The following CSMD2 variants were observed in gnomAD, a reference collection of about 807,000 sequenced individuals.
CSMD2 encodes CUB and Sushi multiple domains 2.
A neutral mutation model predicts 398.5 loss-of-function variants in CSMD2; 130 were observed. That is an observed-to-expected ratio of 0.33 (90% confidence interval 0.28 to 0.38). CSMD2 has a LOEUF of 0.38. CSMD2 is among the 10% of genes least tolerant of loss of function. The pLI is 1.00. For synonymous variants in CSMD2, 1,828 were observed against 1,908.5 expected (o/e 0.96, Z 1.10); for missense variants, 3,829 against 4,764.9 (o/e 0.80, Z 5.78).
chr1:33,973,343 C>T (rs1489967098), intron 3 of CSMD2, among the ~76,000 whole-genome samples: 4 of 152,292 alleles, frequency 2.6e-5, no homozygotes, highest in Admixed American at 1.3e-4. Flanking sequence ...GGCCAAGGGG[C>T]TTCCTGCACA....
intron 56 of CSMD2, among the ~76,000 whole-genome samples, chr1:33,548,242 TGTTCAGTC>T (rs1462132232): frequency 5.3e-5 from 8 of 152,170 alleles, no homozygotes; most frequent in Non-Finnish European, 1.2e-4. Context: ...AATACAATGG[TGTTCAGTC>T]CTAGGGGCTT....
chr1:33,595,392 T>C (rs1165214166), intron 44 of CSMD2, among the ~76,000 whole-genome samples: 2 of 152,216 alleles, frequency 1.3e-5, no homozygotes, highest in African/African-American at 2.4e-5. Context: ...ACCTGGAGTA[T>C]GATTTCAATT....
At chr1:33,886,436 CAA>C (rs902390069) in intron 5 of CSMD2, among the ~76,000 whole-genome samples, 26 of 152,256 alleles carry the variant, frequency 1.7e-4, no homozygotes, top group African/African-American at 5.8e-4. Flanking sequence ...ACTTGGCAAC[CAA>C]GAGATGGGAG....
At chr1:33,762,735 T>C (rs1331258083) in intron 13 of CSMD2, among the ~76,000 whole-genome samples, 1 of 70,150 alleles carries the variant, frequency 1.4e-5, no homozygotes, top group Non-Finnish European at 2.6e-5. Context: ...CACATCTATG[T>C]GCAATAATTC....
chr1:33,570,718 T>C (rs1659518296), intron 51 of CSMD2, among the ~76,000 whole-genome samples: 1 of 152,182 alleles, frequency 6.6e-6, no homozygotes, highest in Non-Finnish European at 1.5e-5. Flanking sequence ...CAGATTGCTG[T>C]GGTTGAGGAG....
intron 9 of CSMD2, among the ~76,000 whole-genome samples, chr1:33,818,075 G>A (rs1198227229): frequency 2.0e-5 from 3 of 152,204 alleles, no homozygotes; most frequent in Non-Finnish European, 4.4e-5. Flanking sequence ...AGAACTAAGA[G>A]AACAACCTTC....
At chr1:33,922,597 A>C (rs1439478095) in intron 4 of CSMD2, among the ~76,000 whole-genome samples, 1 of 152,110 alleles carries the variant, frequency 6.6e-6, no homozygotes, top group Non-Finnish European at 1.5e-5. Context: ...ACCCAACCCA[A>C]CCAAAATCAC....
chr1:33,712,121 A>AG (rs1226277302), intron 21 of CSMD2, among the ~76,000 whole-genome samples: 1 of 152,192 alleles, frequency 6.6e-6, no homozygotes, highest in African/African-American at 2.4e-5. Context: ...CCCCATCAGA[A>AG]GGGGTCTCGT....
intron 13 of CSMD2, among the ~76,000 whole-genome samples, chr1:33,752,196 G>GT (rs1352770469): frequency 2.0e-5 from 3 of 152,114 alleles, no homozygotes; most frequent in African/African-American, 4.8e-5. Context: ...ATATAGTTTG[G>GT]TTTTTTGTCT....
chr1:33,947,076 C>T (rs1042400214), intron 3 of CSMD2, among the ~76,000 whole-genome samples: 1 of 152,220 alleles, frequency 6.6e-6, no homozygotes, highest in African/African-American at 2.4e-5. Context: ...TCTCCTATGG[C>T]CTCAGCCCTG....
intron 5 of CSMD2, among the ~76,000 whole-genome samples, chr1:33,904,653 TTTTG>T (rs1404550191): frequency 3.5e-5 from 3 of 85,274 alleles, no homozygotes; most frequent in South Asian, 4.5e-4. Flanking sequence ...TGATAGGTTT[TTTTG>T]TTTGTTTTGT....
At chr1:33,606,694 G>C (rs1205068011) in intron 41 of CSMD2, among the ~76,000 whole-genome samples, 1 of 152,222 alleles carries the variant, frequency 6.6e-6, no homozygotes, top group East Asian at 1.9e-4. Flanking sequence ...GGGTAGCCAC[G>C]TGGACTCAGA....
At chr1:33,923,044 T>C (rs889652198) in intron 4 of CSMD2, among the ~76,000 whole-genome samples, 4 of 151,780 alleles carry the variant, frequency 2.6e-5, no homozygotes, top group Admixed American at 1.3e-4. Context: ...ACTCACATAC[T>C]TTTTTTTTGC....
intron 5 of CSMD2, among the ~76,000 whole-genome samples, chr1:33,892,339 A>T (rs902226934): frequency 5.3e-5 from 8 of 152,152 alleles, no homozygotes; most frequent in African/African-American, 1.9e-4. Flanking sequence ...TCATTTCAAT[A>T]GTTTTTGGGT....
chr1:34,092,958 C>G (rs1658812767), intron 1 of CSMD2, among the ~76,000 whole-genome samples: 1 of 152,108 alleles, frequency 6.6e-6, no homozygotes, highest in African/African-American at 2.4e-5. Context: ...GGGGGCAGGG[C>G]ACAGACAAAC....
Position 33,675,083 on chromosome 1 carries a change from G to C in CSMD2, c.4053-11991C>G, listed in dbSNP as rs1644655912. On this transcript the variant is annotated intron_variant, in intron 25 of 70. Coordinates refer to ENST00000373381, the MANE Select transcript of CSMD2 (RefSeq NM_001281956.2). ...GAAGAGCAAACACATTCAAAAGCTA[G>C]CAGAAGGCAAGAAATAACTAAGATC... 2.6e-5 allele frequency among the ~76,000 whole-genome samples: 4 copies of C among 152,260 alleles called. No individual in the cohort carries two copies. The Middle Eastern group carries it at 0.014, about 518-fold the overall frequency.
At chr1:34,123,909 T>C (rs1662477249) in intron 1 of CSMD2, among the ~76,000 whole-genome samples, 1 of 152,230 alleles carries the variant, frequency 6.6e-6, no homozygotes, top group African/African-American at 2.4e-5. Context: ...TAGAGTAAGG[T>C]TGTGAACACA....
chr1:33,548,314 G>T (rs1657104851), intron 56 of CSMD2, among the ~76,000 whole-genome samples: 1 of 152,236 alleles, frequency 6.6e-6, no homozygotes, highest in African/African-American at 2.4e-5. Context: ...TTCAGTGATG[G>T]AAGGGAGTCT....
chr1:33,636,581 C>G lies in CSMD2; in HGVS notation c.4775-27G>C, dbSNP rs764478710. 6.2e-7 allele frequency: 1 copy of G among 1,602,864 alleles called. No homozygotes were observed. Among genetic ancestry groups the G allele is most frequent in the Admixed American group, 1.7e-5 (1 of 59,762 alleles). ...TGGGAAAAAGAAATACAAACACGTG[C>G]ACACACACAGAGGGCTCATGAGGAG... is the stretch of plus-strand genomic sequence containing the variant. On this transcript the variant is annotated intron_variant, in intron 29 of 70. Transcript: ENST00000373381. The surrounding 1 kb of genome is among the most constrained non-coding windows in gnomAD (Gnocchi z 4.8).
Sources: allele counts gnomAD v4.1 joint callset (sites outside exome capture counted in the v4.1 genomes callset), GRCh38; gene constraint gnomAD v4.1.1; non-coding constraint Gnocchi (gnomAD v3.1); transcripts MANE v1.5; gene names NCBI Gene and HGNC (gene_info 2026-07-23, HGNC 2026-07-21).